Variants in KHDRBS2 observed in about 807,000 individuals in gnomAD.
The protein encoded by KHDRBS2 is KH domain-containing, RNA-binding, signal transduction-associated protein 2.
A neutral mutation model predicts 44.3 loss-of-function variants in KHDRBS2; 26 were observed. That is an observed-to-expected ratio of 0.59 (90% CI 0.43 to 0.81). KHDRBS2 has a LOEUF of 0.81. KHDRBS2 is among the 40% of genes least tolerant of loss of function. KHDRBS2 has a pLI of 0.00. For missense variants in KHDRBS2, 476 were observed against 433.1 expected (o/e 1.10, Z -0.88); for synonymous variants, 194 against 151.1 (o/e 1.28, Z -2.08).
intron 1 of KHDRBS2, among the ~76,000 whole-genome samples, chr6:62,277,932 A>T (rs1479899230): frequency 3.3e-5 from 5 of 152,214 alleles, no homozygotes; most frequent in African/African-American, 1.2e-4. Context: ...TTTGGCAAAT[A>T]AAAGATGCAA....
At chr6:61,546,067 C>A in the KHDRBS2 span, among the ~76,000 whole-genome samples, 1 of 152,004 alleles carries the variant, frequency 6.6e-6, no homozygotes, top group Non-Finnish European at 1.5e-5. Context: ...CTAAATATTT[C>A]TTCTTTTGAC....
At chr6:61,583,089 T>G in the KHDRBS2 span, among the ~76,000 whole-genome samples, 1 of 151,820 alleles carries the variant, frequency 6.6e-6, no homozygotes, top group Non-Finnish European at 1.5e-5. Context: ...ATAGGATGCA[T>G]ATCAAGAATA....
chr6:61,594,613 C>G, the KHDRBS2 span, among the ~76,000 whole-genome samples: 2 of 152,064 alleles, frequency 1.3e-5, no homozygotes, highest in Non-Finnish European at 2.9e-5. Flanking sequence ...TTTAATATAT[C>G]AGATTTTTAA....
the KHDRBS2 span, among the ~76,000 whole-genome samples, chr6:61,627,507 G>A: frequency 6.6e-6 from 1 of 152,166 alleles, no homozygotes; most frequent in Non-Finnish European, 1.5e-5. Context: ...ACAGGGTTGG[G>A]GCTTTGAGCC....
chr6:61,802,566 A>G (rs777264727), intron 6 of KHDRBS2, among the ~76,000 whole-genome samples: 39 of 152,130 alleles, frequency 2.6e-4, no homozygotes, highest in Non-Finnish European at 4.7e-4. Context: ...ACAATAAGTT[A>G]TATATTATTT....
chr6:61,760,914 T>C (rs767000131), intron 6 of KHDRBS2, among the ~76,000 whole-genome samples: 3 of 152,206 alleles, frequency 2.0e-5, no homozygotes, highest in Non-Finnish European at 4.4e-5. Flanking sequence ...TTTTCTTCTA[T>C]AGTTGAGAGG....
intron 6 of KHDRBS2, among the ~76,000 whole-genome samples, chr6:61,766,971 T>A (rs1349790043): frequency 6.6e-6 from 1 of 152,120 alleles, no homozygotes; most frequent in Non-Finnish European, 1.5e-5. Context: ...ATTAGGGCTA[T>A]TGGGTCTATG....
intron 7 of KHDRBS2, among the ~76,000 whole-genome samples, chr6:61,699,446 C>G (rs1049431264): frequency 5.9e-5 from 9 of 152,054 alleles, no homozygotes; most frequent in Non-Finnish European, 1.3e-4. Flanking sequence ...TAAGTTACCT[C>G]AAGGTCAGTA....
At chr6:62,083,620 C>A (rs1797845014) in intron 2 of KHDRBS2, among the ~76,000 whole-genome samples, 1 of 152,140 alleles carries the variant, frequency 6.6e-6, no homozygotes, top group African/African-American at 2.4e-5. Flanking sequence ...TCTGCTCCTG[C>A]CAGTTGCTCA....
intron 2 of KHDRBS2, among the ~76,000 whole-genome samples, chr6:62,061,380 ATC>A (rs1487752916): frequency 6.7e-6 from 1 of 149,342 alleles, no homozygotes; most frequent in Non-Finnish European, 1.5e-5. Context: ...TGGTGACAAA[ATC>A]TCTCAGCATT....
At chr6:62,225,503 C>G (rs1831619707) in intron 1 of KHDRBS2, among the ~76,000 whole-genome samples, 1 of 152,062 alleles carries the variant, frequency 6.6e-6, no homozygotes, top group Admixed American at 6.5e-5. Flanking sequence ...AAATAGGAAT[C>G]TAAACTTAAA....
intron 1 of KHDRBS2, among the ~76,000 whole-genome samples, chr6:62,253,124 T>C (rs976276362): frequency 1.3e-5 from 2 of 152,030 alleles, no homozygotes; most frequent in South Asian, 2.1e-4. Context: ...GCAGGCTTTA[T>C]AATTATTGTT....
Position 61,680,043 on chromosome 6 carries a change from G to A in KHDRBS2, c.*920C>T, listed in dbSNP as rs748401706. 3.9e-5 allele frequency: 6 copies of A among 152,034 alleles called. No individual in the cohort carries two copies. The highest frequency in any genetic ancestry group is 7.4e-5 in the Non-Finnish European group (5 of 67,902). 9.4% of individuals were successfully genotyped at this position (152,034 alleles called of 1,614,324 possible). A position where few individuals can be genotyped will look rare whatever the true frequency, so the allele number is the denominator to read the frequency against. The stretch of plus-strand genomic sequence containing the variant: ...TTAGTGTTTACTAACCATGATTCAT[G>A]TAACAGTTTAGTTTGTTAACTTTTA... On this transcript the variant is annotated 3_prime_UTR_variant, in exon 9 of 9. Transcript: ENST00000281156.
chr6:61,975,660 C>CAA (rs1396093497), intron 4 of KHDRBS2, among the ~76,000 whole-genome samples: 2 of 120,814 alleles, frequency 1.7e-5, no homozygotes, highest in Non-Finnish European at 3.7e-5. Flanking sequence ...GATGCACACA[C>CAA]ACACACACAC....
intron 6 of KHDRBS2, among the ~76,000 whole-genome samples, chr6:61,769,737 T>A (rs1440275244): frequency 6.6e-6 from 1 of 152,246 alleles, no homozygotes; most frequent in Non-Finnish European, 1.5e-5. Flanking sequence ...CCTGCCTGCC[T>A]CTGTAGGCTC....
chr6:61,766,694 T>C (rs7739027), intron 6 of KHDRBS2, among the ~76,000 whole-genome samples: 4,648 of 152,188 alleles, frequency 0.031, 252 homozygotes, highest in African/African-American at 0.11. Flanking sequence ...ATTTTTAAAT[T>C]TTCTTCCTAA....
intron 3 of KHDRBS2, among the ~76,000 whole-genome samples, chr6:61,978,500 AT>A (rs760907706): frequency 1.3e-5 from 2 of 152,100 alleles, no homozygotes; most frequent in Non-Finnish European, 2.9e-5. Flanking sequence ...AAGTCACAGA[AT>A]TGCCATTAAC....
At chr6:62,275,454 C>A (rs1356362978) in intron 1 of KHDRBS2, among the ~76,000 whole-genome samples, 2 of 152,132 alleles carry the variant, frequency 1.3e-5, no homozygotes, top group Non-Finnish European at 2.9e-5. Context: ...TTACTAATGT[C>A]TTTCCATTTA....
At chr6:61,559,653 C>T in the KHDRBS2 span, among the ~76,000 whole-genome samples, 32,220 of 152,080 alleles carry the variant, frequency 0.21, 3,689 homozygotes, top group East Asian at 0.29. Context: ...CTCATGACAA[C>T]ATAACACTGA....
Sources: gnomAD v4.1 joint callset for allele counts (sites outside exome capture counted in the v4.1 genomes callset) on GRCh38, gnomAD v4.1.1 for gene constraint, MANE v1.5 for transcripts, NCBI Gene and HGNC (gene_info 2026-07-23, HGNC 2026-07-21) for gene names.